The following HYDIN variants were observed in gnomAD, a reference collection of about 807,000 sequenced individuals.
HYDIN encodes HYDIN axonemal central pair apparatus protein.
Under a neutral mutation model 403.9 loss-of-function variants are expected in HYDIN, and 132 were observed. The observed-to-expected ratio is 0.33, with a 90% CI of 0.28 to 0.38. The LOEUF (loss-of-function observed/expected upper bound fraction) is 0.38, where lower values mean the gene tolerates loss of function less well. Ranked by LOEUF, HYDIN falls within the 10% of genes least tolerant of loss-of-function variation. The probability of loss-of-function intolerance (pLI) is 1.00; values close to 1 mark genes in which losing one functional copy is unlikely to be tolerated. For missense variants in HYDIN, 2,827 were observed against 5,009.5 expected (o/e 0.56, Z 13.15); for synonymous variants, 1,202 against 1,891.7 (o/e 0.64, Z 9.46).
At chr16:71,066,266 TAAACAAAGGA>T (rs1417899739) in intron 15 of HYDIN, among the ~76,000 whole-genome samples, 1 of 152,138 alleles carries the variant, frequency 6.6e-6, no homozygotes, top group Admixed American at 6.5e-5. Context: ...TTACTGTTTG[TAAACAAAGGA>T]AAAAATAGGT....
intron 1 of HYDIN, among the ~76,000 whole-genome samples, chr16:71,218,504 A>T (rs1372367733): frequency 2.0e-5 from 3 of 152,230 alleles, no homozygotes; most frequent in Non-Finnish European, 4.4e-5. Context: ...TTAATTGCTA[A>T]GAACACACTA....
intron 12 of HYDIN, among the ~76,000 whole-genome samples, chr16:71,081,832 A>G (rs1353336705): frequency 2.0e-5 from 3 of 150,778 alleles, no homozygotes; most frequent in African/African-American, 7.4e-5. Context: ...TATGTAAGTG[A>G]GACAAGTTGA....
chr16:71,169,741 T>C (rs1407547075), intron 5 of HYDIN, among the ~76,000 whole-genome samples: 1 of 152,176 alleles, frequency 6.6e-6, no homozygotes, highest in African/African-American at 2.4e-5. Context: ...AGACCTATTA[T>C]ACAACATGGT....
intron 2 of HYDIN, among the ~76,000 whole-genome samples, 199 bp downstream of exon 2, chr16:71,186,562 C>G (rs1396697929): frequency 6.6e-6 from 1 of 152,118 alleles, no homozygotes. Flanking sequence ...CAAGCCTCTA[C>G]TTTGAAGTAT....
chr16:70,955,363 A>G lies in HYDIN; in HGVS notation c.6316+12T>C. The G allele has an allele frequency of 6.4e-7, 1 of 1,565,718 alleles. No homozygotes were observed. The highest frequency in any genetic ancestry group is 1.2e-5 in the South Asian group (1 of 82,586). ...GACTTGACCACAAAAACCCAAGAGA[A>G]TGGGCTCTTACCAGCCTCCTCTCCT... On this transcript the variant is annotated intron_variant, in intron 40 of 85. Coordinates refer to ENST00000393567, the MANE Select transcript of HYDIN (RefSeq NM_001270974.2).
chr16:70,948,185 T>G, intron 41 of HYDIN, among the ~76,000 whole-genome samples: 2 of 146,226 alleles, frequency 1.4e-5, no homozygotes, highest in African/African-American at 5.1e-5. Flanking sequence ...TTGACAAACC[T>G]GAGAAAAACA....
chr16:71,059,610 G>A (rs1336476433), intron 18 of HYDIN, among the ~76,000 whole-genome samples: 1 of 151,922 alleles, frequency 6.6e-6, no homozygotes, highest in Non-Finnish European at 1.5e-5. Context: ...AAGGGAACAA[G>A]AGACACTGGG....
At position 70,807,415 on chromosome 16, in the gene HYDIN, T is replaced by C. The variant is rs2035155527; in HGVS notation, c.*165A>G. ...GTTATAATGTTTAATATGGAATAGATATTTCATATCTATATTTGGAAAACA... is the reference window on the plus strand; with the variant it reads ...GTTATAATGTTTAATATGGAATAGACATTTCATATCTATATTTGGAAAACA... On this transcript the variant is annotated 3_prime_UTR_variant, in exon 86 of 86. Coordinates refer to ENST00000393567, the MANE Select transcript of HYDIN (RefSeq NM_001270974.2). 5.7e-6 allele frequency: 4 copies of C among 698,598 alleles called. 1 individual carries two copies. In the South Asian group the frequency reaches 8.0e-5, roughly 14 times the overall value. 43.3% of individuals were successfully genotyped at this position (698,598 alleles called of 1,614,324 possible).
chr16:70,872,875 CCCAT>C (rs1323089501), intron 64 of HYDIN, among the ~76,000 whole-genome samples: 1 of 150,262 alleles, frequency 6.7e-6, no homozygotes, highest in Non-Finnish European at 1.5e-5. Context: ...CCATCATCCA[CCCAT>C]CCATCCATTA....
intron 3 of HYDIN, among the ~76,000 whole-genome samples, chr16:71,180,498 T>C (rs1225209880): frequency 6.6e-6 from 1 of 152,000 alleles, no homozygotes; most frequent in Non-Finnish European, 1.5e-5. Context: ...AAAAATGAAA[T>C]GTTTCCCAAC....
At chr16:71,073,807 T>C (rs1212884927) in intron 13 of HYDIN, among the ~76,000 whole-genome samples, 3 of 152,150 alleles carry the variant, frequency 2.0e-5, no homozygotes, top group Admixed American at 6.5e-5. Context: ...TCAATGTTCC[T>C]TCAAGGACAA....
At chr16:71,161,389 C>T (rs1001250743) in intron 6 of HYDIN, among the ~76,000 whole-genome samples, 11 of 152,228 alleles carry the variant, frequency 7.2e-5, no homozygotes, top group East Asian at 1.9e-4. Flanking sequence ...TAAAAGGCCA[C>T]GGACTGGACC....
Position 70,850,512 on chromosome 16 carries a change from T to C in HYDIN, c.12587A>G (p.Lys4196Arg). The part of the protein sequence containing the change: ...GYTMNVEIKC[K>R]DRTGSITLLT... ...CAGAGTGATGGAGCCTGTCCTGTCCTTGCACTTGATCTCCACATTCATAGT... is the reference window on the plus strand; with the variant it reads ...CAGAGTGATGGAGCCTGTCCTGTCCCTGCACTTGATCTCCACATTCATAGT... The change falls in exon 74 of 86, where the codon AAG becomes AGG. Residue 4196 changes from lysine to arginine, a missense_variant. Lys to Arg is a conservative substitution (Grantham distance 26). Coordinates refer to ENST00000393567, the MANE Select transcript of HYDIN (RefSeq NM_001270974.2). 6.2e-7 allele frequency: 1 copy of C among 1,607,272 alleles called. No individual in the cohort carries two copies. The highest frequency in any genetic ancestry group is 8.5e-7 in the Non-Finnish European group (1 of 1,176,504).
At chr16:71,175,195 A>C (rs1567409410) in intron 5 of HYDIN, among the ~76,000 whole-genome samples, 4 of 151,728 alleles carry the variant, frequency 2.6e-5, no homozygotes, top group Non-Finnish European at 1.5e-5. Context: ...CACTACCACT[A>C]TCAATGACAA....
At chr16:71,175,565 T>G (rs746204197) in intron 5 of HYDIN, 42 bp downstream of exon 5, 1 of 1,598,408 alleles carries the variant, frequency 6.3e-7, no homozygotes, top group South Asian at 1.1e-5. Context: ...AACTGCAATC[T>G]GCCAGTACAA....
At chr16:71,016,821 C>T (rs2080274040) in intron 23 of HYDIN, among the ~76,000 whole-genome samples, 1 of 152,006 alleles carries the variant, frequency 6.6e-6, no homozygotes, top group Non-Finnish European at 1.5e-5. Flanking sequence ...TATGTAATGA[C>T]ATGGATGAAC....
chr16:70,807,349 A>G lies in HYDIN; in HGVS notation c.*231T>C. 2.0e-6 allele frequency: 1 copy of G among 490,820 alleles called. No homozygotes were observed. The highest frequency in any genetic ancestry group is 3.5e-6 in the Non-Finnish European group (1 of 283,804). The allele number at this position is 490,820 out of a possible 1,614,324, so 30.4% of individuals were successfully genotyped here. A position where few individuals can be genotyped will look rare whatever the true frequency, so the allele number is the denominator to read the frequency against. On this transcript the variant is annotated 3_prime_UTR_variant, in exon 86 of 86. Coordinates refer to ENST00000393567, the MANE Select transcript of HYDIN (RefSeq NM_001270974.2). ...GTCAAGAAACTCAATTTAGGGACTCACAAGGATTCAGTTGTCTAAAATATA... is the reference window on the plus strand; with the variant it reads ...GTCAAGAAACTCAATTTAGGGACTCGCAAGGATTCAGTTGTCTAAAATATA...
intron 18 of HYDIN, among the ~76,000 whole-genome samples, chr16:71,059,017 A>G (rs985814037): frequency 6.6e-6 from 1 of 152,264 alleles, no homozygotes; most frequent in Non-Finnish European, 1.5e-5. Context: ...TGTGATACAT[A>G]TAACATAGAA....
At chr16:71,079,002 G>T (rs1300847215) in intron 13 of HYDIN, among the ~76,000 whole-genome samples, 2 of 152,136 alleles carry the variant, frequency 1.3e-5, no homozygotes, top group East Asian at 3.9e-4. Flanking sequence ...TCACCAATGG[G>T]ATATAACCAT....
Sources: gnomAD v4.1 joint callset for allele counts (sites outside exome capture counted in the v4.1 genomes callset) on GRCh38, gnomAD v4.1.1 for gene constraint, MANE v1.5 for transcripts, NCBI Gene and HGNC (gene_info 2026-07-23, HGNC 2026-07-21) for gene names.